The following RAP1GAP2 variants were observed in gnomAD, a reference collection of about 807,000 sequenced individuals.
RAP1GAP2 encodes rap1 GTPase-activating protein 2.
Under a neutral mutation model 95.0 loss-of-function variants are expected in RAP1GAP2, and 27 were observed. The observed-to-expected ratio is 0.28, with a 90% CI of 0.21 to 0.39. RAP1GAP2 has a LOEUF of 0.39. RAP1GAP2 is among the 10% of genes least tolerant of loss of function. RAP1GAP2 has a pLI of 1.00. For synonymous variants in RAP1GAP2, 373 were observed against 380.9 expected, an observed-to-expected ratio of 0.98 and a Z score of 0.24; for missense variants, 771 against 970.0, an observed-to-expected ratio of 0.79 and a Z score of 2.72.
At chr17:2,814,315 A>T (rs1012592151) in intron 2 of RAP1GAP2, among the ~76,000 whole-genome samples, 8 of 152,084 alleles carry the variant, frequency 5.3e-5, no homozygotes, top group Non-Finnish European at 1.0e-4. Flanking sequence ...CTGCAGCCCG[A>T]GGGTGGAACT....
At position 3,034,977 on chromosome 17, in the gene RAP1GAP2, C is replaced by CTTTTTTTTT. The variant is rs542603792; in HGVS notation, c.*1625_*1633dup. On this transcript the variant is annotated 3_prime_UTR_variant, in exon 25 of 25. Coordinates refer to ENST00000254695, the MANE Select transcript of RAP1GAP2 (RefSeq NM_015085.5). The surrounding 1 kb of genome is among the most constrained non-coding windows in gnomAD (Gnocchi z 5.1). ...CTGTGCCCAAGATATAAATACTACA[C>CTTTTTTTTT]TTTTTTTTTTTTTTTTTAACTGACA... 1 of 138,638 alleles carries CTTTTTTTTT rather than the reference C, an allele frequency of 7.2e-6. No homozygotes were observed. Among genetic ancestry groups the CTTTTTTTTT allele is most frequent in the African/African-American group, 2.7e-5 (1 of 37,176 alleles). 8.6% of individuals were successfully genotyped at this position (138,638 alleles called of 1,614,324 possible).
At chr17:2,978,185 C>T (rs916123687) in intron 8 of RAP1GAP2, among the ~76,000 whole-genome samples, 1 of 152,174 alleles carries the variant, frequency 6.6e-6, no homozygotes, top group Non-Finnish European at 1.5e-5. Context: ...TCTCAGCAAC[C>T]TTAGCATAGA....
chr17:2,958,418 C>T (rs1207739957), intron 4 of RAP1GAP2, among the ~76,000 whole-genome samples: 1 of 151,928 alleles, frequency 6.6e-6, no homozygotes, highest in Non-Finnish European at 1.5e-5. Flanking sequence ...GAGCTGCTGC[C>T]CTGGGGAGTA....
Position 2,869,817 on chromosome 17 carries a change from G to A in RAP1GAP2, c.81-35467G>A, listed in dbSNP as rs115927948. On this transcript the variant is annotated intron_variant, in intron 2 of 24. Coordinates refer to ENST00000254695, the MANE Select transcript of RAP1GAP2 (RefSeq NM_015085.5). ...TGCAGTCTTGGGCTCATGGCCAGCC[G>A]TCAGCCAGCACCCTGTGGCGCTCTC... Among the ~76,000 whole-genome samples, 1,450 of 152,342 alleles carry A rather than the reference G, an allele frequency of 9.5e-3. 10 individuals carry two copies. Among genetic ancestry groups the A allele is most frequent in the African/African-American group, 0.016 (682 of 41,576 alleles).
At chr17:2,756,950 G>T (rs2071160116) in intron 1 of RAP1GAP2, among the ~76,000 whole-genome samples, 1 of 152,166 alleles carries the variant, frequency 6.6e-6, no homozygotes, top group South Asian at 2.1e-4. Context: ...ATATTTCCTG[G>T]ATGGTTCCAC....
At chr17:2,829,402 G>A (rs535342868) in intron 2 of RAP1GAP2, among the ~76,000 whole-genome samples, 1 of 152,096 alleles carries the variant, frequency 6.6e-6, no homozygotes, top group Admixed American at 6.6e-5. Flanking sequence ...CTCCATAAAG[G>A]GCTGGGGCTG....
chr17:2,936,506 C>T (rs79613723), intron 3 of RAP1GAP2, among the ~76,000 whole-genome samples: 12 of 151,906 alleles, frequency 7.9e-5, no homozygotes, highest in Admixed American at 5.3e-4. Context: ...CTCCCTGCCT[C>T]GAACCTCTTT....
At chr17:2,905,713 C>T (rs2042175728) in intron 3 of RAP1GAP2, among the ~76,000 whole-genome samples, 1 of 152,112 alleles carries the variant, frequency 6.6e-6, no homozygotes, top group African/African-American at 2.4e-5. Context: ...TGGGCTGTGG[C>T]CCTCCTGGGA....
At chr17:2,795,956 G>A (rs948997130), upstream of RAP1GAP2, among the ~76,000 whole-genome samples, 1 of 152,164 alleles carries the variant, frequency 6.6e-6, no homozygotes, top group Non-Finnish European at 1.5e-5. Flanking sequence ...GTGCCCATGC[G>A]TGTGCATGTA....
At chr17:2,849,557 G>A (rs912700316) in intron 2 of RAP1GAP2, among the ~76,000 whole-genome samples, 8 of 152,180 alleles carry the variant, frequency 5.3e-5, no homozygotes, top group East Asian at 1.9e-4. Context: ...AGCTGTCTGC[G>A]CTCTGTTCAT....
chr17:2,882,870 C>T (rs1001650696), intron 2 of RAP1GAP2, among the ~76,000 whole-genome samples: 4 of 152,218 alleles, frequency 2.6e-5, no homozygotes, highest in African/African-American at 7.2e-5. Flanking sequence ...CGTGTCATGT[C>T]CCCAGCGGCT....
At chr17:2,806,376 T>TTTTTTATTATTATTA (rs150744972) in intron 2 of RAP1GAP2, among the ~76,000 whole-genome samples, 1 of 139,942 alleles carries the variant, frequency 7.1e-6, no homozygotes, top group Non-Finnish European at 1.5e-5. Flanking sequence ...CTACAACCTT[T>TTTTTTATTATTATTA]TTATTATTAT....
chr17:2,906,524 T>C lies in RAP1GAP2; in HGVS notation c.165+1156T>C, dbSNP rs190987623. ...CCAAGGAGAGCTGTGCTGTCTTCCTTGTGCAGTACCCAGAGGGCAGTGGAA... is the reference window on the plus strand; with the variant it reads ...CCAAGGAGAGCTGTGCTGTCTTCCTCGTGCAGTACCCAGAGGGCAGTGGAA... On this transcript the variant is annotated intron_variant, in intron 3 of 24. Coordinates refer to ENST00000254695, the MANE Select transcript of RAP1GAP2 (RefSeq NM_015085.5). The surrounding 1 kb of genome is among the most constrained non-coding windows in gnomAD (Gnocchi z 4.3). 1.3e-5 allele frequency among the ~76,000 whole-genome samples: 2 copies of C among 152,134 alleles called. No individual in the cohort carries two copies. Among genetic ancestry groups the C allele is most frequent in the Admixed American group, 1.3e-4 (2 of 15,278 alleles).
chr17:2,777,967 G>GGGGAGGCT lies in RAP1GAP2; in HGVS notation c.-14+705_-14+712dup, dbSNP rs1233526717. On this transcript the variant is annotated intron_variant, in intron 1 of 24. Coordinates refer to the RAP1GAP2 transcript ENST00000540393. ...CCAGGAGGCTGGGAGGCTGGGAGGC[G>GGGGAGGCT]GGGAGGCTGGGAGGCTGGGAGGCGG... 2.7e-3 allele frequency among the ~76,000 whole-genome samples: 117 copies of GGGGAGGCT among 43,200 alleles called. 1 individual carries two copies. Among genetic ancestry groups the GGGGAGGCT allele is most frequent in the Non-Finnish European group, 4.2e-3 (89 of 20,948 alleles). The allele number at this position is 43,200 out of a possible 152,430, so 28.3% of individuals were successfully genotyped here.
At chr17:2,977,026 A>G (rs2045149355) in intron 8 of RAP1GAP2, among the ~76,000 whole-genome samples, 1 of 151,424 alleles carries the variant, frequency 6.6e-6, no homozygotes, top group Admixed American at 6.6e-5. Context: ...AATTCCAGCT[A>G]CTCGGGAGGC....
chr17:2,907,408 CA>C (rs1170380774), intron 3 of RAP1GAP2, among the ~76,000 whole-genome samples: 3 of 152,166 alleles, frequency 2.0e-5, no homozygotes, highest in Non-Finnish European at 4.4e-5. Context: ...TGTAGTAAAC[CA>C]GACATTGTGG....
chr17:2,905,969 C>G (rs371928606), intron 3 of RAP1GAP2, among the ~76,000 whole-genome samples: 2 of 152,236 alleles, frequency 1.3e-5, no homozygotes, highest in South Asian at 2.1e-4. Context: ...CCATGACCTT[C>G]CCCCATCACT....
chr17:2,914,853 G>T (rs1321743714), intron 3 of RAP1GAP2, among the ~76,000 whole-genome samples: 1 of 135,324 alleles, frequency 7.4e-6, no homozygotes, highest in East Asian at 2.2e-4. Flanking sequence ...GTGCAATGGC[G>T]CCATCTCGGC....
Position 2,827,508 on chromosome 17 carries a change from C to T in RAP1GAP2, c.80+26958C>T, listed in dbSNP as rs576785384. ...GGTGGGTGGTCAGGAAGAGCCTCTC[C>T]ATAGAAGGGACATTTGAGGCCTGGC... On this transcript the variant is annotated intron_variant, in intron 2 of 24. Transcript: ENST00000254695. This position sits in a 1 kb window ranked among gnomAD's most constrained non-coding sequence, Gnocchi z 4.1. 1.2e-4 allele frequency among the ~76,000 whole-genome samples: 19 copies of T among 152,198 alleles called. No homozygotes were observed. In the East Asian group the frequency reaches 3.5e-3, roughly 28 times the overall value.
Sources: allele counts gnomAD v4.1 joint callset (sites outside exome capture counted in the v4.1 genomes callset), GRCh38; gene constraint gnomAD v4.1.1; non-coding constraint Gnocchi (gnomAD v3.1); transcripts MANE v1.5; gene names NCBI Gene and HGNC (gene_info 2026-07-23, HGNC 2026-07-21).